Variants in IGSF21 observed in about 807,000 individuals in gnomAD.
IGSF21 encodes immunoglobulin superfamily member 21.
In IGSF21, 28 loss-of-function variants were observed where a neutral mutation model predicts 46.8. The observed-to-expected ratio is 0.60, with a 90% CI of 0.44 to 0.82. IGSF21 has a LOEUF of 0.82. IGSF21 is among the 40% of genes least tolerant of loss of function. IGSF21 has a pLI of 0.00. For synonymous variants in IGSF21, 284 were observed against 273.6 expected, an observed-to-expected ratio of 1.04 and a Z score of -0.38; for missense variants, 624 against 665.5, an observed-to-expected ratio of 0.94 and a Z score of 0.69.
At chr1:18,301,103 G>A (rs1400450494) in intron 3 of IGSF21, among the ~76,000 whole-genome samples, 1 of 152,178 alleles carries the variant, frequency 6.6e-6, no homozygotes, top group Non-Finnish European at 1.5e-5. Context: ...TTAACCTGTG[G>A]AGCACAGATC....
intron 1 of IGSF21, among the ~76,000 whole-genome samples, chr1:18,219,385 T>C (rs1270818003): frequency 2.0e-5 from 3 of 152,010 alleles, no homozygotes; most frequent in African/African-American, 4.8e-5. Flanking sequence ...GCAGCGTTCA[T>C]TGTGAGTAGA....
At chr1:18,272,035 G>A (rs2085047727) in intron 2 of IGSF21, among the ~76,000 whole-genome samples, 1 of 152,150 alleles carries the variant, frequency 6.6e-6, no homozygotes, top group Non-Finnish European at 1.5e-5. Flanking sequence ...AAGAAAAAGA[G>A]GTTTAATGGA....
chr1:18,313,050 T>C (rs1171519527), intron 3 of IGSF21, among the ~76,000 whole-genome samples: 2 of 152,176 alleles, frequency 1.3e-5, no homozygotes, highest in East Asian at 1.9e-4. Flanking sequence ...TACTCATCCC[T>C]GTACCCCCAC....
chr1:18,376,250 T>C (rs984241237), intron 6 of IGSF21, 60 bp from the exon 7 acceptor site: 1 of 1,169,924 alleles, frequency 8.5e-7, no homozygotes, highest in African/African-American at 1.5e-5. Flanking sequence ...AACTTTCTCT[T>C]CCATGTACCC....
At chr1:18,228,274 G>C (rs2084589980) in intron 2 of IGSF21, among the ~76,000 whole-genome samples, 2 of 152,162 alleles carry the variant, frequency 1.3e-5, no homozygotes, top group Admixed American at 6.5e-5. Context: ...ATTAGGCAAA[G>C]TAGAAGTTAC....
chr1:18,210,280 G>A (rs1034608939), intron 1 of IGSF21, among the ~76,000 whole-genome samples: 2 of 152,184 alleles, frequency 1.3e-5, no homozygotes, highest in Non-Finnish European at 2.9e-5. Context: ...TCTCCTTTGT[G>A]AGCCAGGACT....
At chr1:18,145,220 CCTCG>C (rs1557555976) in intron 1 of IGSF21, among the ~76,000 whole-genome samples, 1 of 151,480 alleles carries the variant, frequency 6.6e-6, no homozygotes, top group African/African-American at 2.4e-5. Flanking sequence ...AAAAAGTTAT[CCTCG>C]GAGTCATTTT....
At chr1:18,214,384 G>A (rs1251455015) in intron 1 of IGSF21, among the ~76,000 whole-genome samples, 2 of 152,178 alleles carry the variant, frequency 1.3e-5, no homozygotes, top group Non-Finnish European at 2.9e-5. Context: ...GGAATCTTGA[G>A]TGAGATGCTC....
chr1:18,157,602 G>A (rs1220357747), intron 1 of IGSF21, among the ~76,000 whole-genome samples: 2 of 152,160 alleles, frequency 1.3e-5, no homozygotes, highest in East Asian at 1.9e-4. Context: ...CTCCCAGCCC[G>A]GTCTGGTACA....
chr1:18,269,977 C>A (rs1163806290), intron 2 of IGSF21, among the ~76,000 whole-genome samples: 1 of 152,162 alleles, frequency 6.6e-6, no homozygotes. Flanking sequence ...CTGCCATGTG[C>A]CTTCTGGAGG....
At chr1:18,377,343 G>T in intron 8 of IGSF21, 50 bp from the exon 9 acceptor site, 1 of 1,546,396 alleles carries the variant, frequency 6.5e-7, no homozygotes. Context: ...CCTTCCCTGA[G>T]CTCTGAAGGC....
At chr1:18,205,545 A>T (rs2084310478) in intron 1 of IGSF21, among the ~76,000 whole-genome samples, 1 of 152,170 alleles carries the variant, frequency 6.6e-6, no homozygotes, top group African/African-American at 2.4e-5. Context: ...AGCATGACTC[A>T]AACAACCCAT....
chr1:18,366,411 G>A (rs35250542), intron 6 of IGSF21, among the ~76,000 whole-genome samples: 34,369 of 151,914 alleles, frequency 0.23, 4,599 homozygotes, highest in Non-Finnish European at 0.3. Flanking sequence ...GACATTTGTC[G>A]GATCAAGGAG....
At chr1:18,376,116 T>G (rs1283051088) in intron 6 of IGSF21, 194 bp from the exon 7 acceptor site, 2 of 583,166 alleles carry the variant, frequency 3.4e-6, no homozygotes, top group African/African-American at 3.7e-5. Context: ...GAGCATCTGA[T>G]TCATTGCATG....
At chr1:18,203,980 G>C (rs151276098) in intron 1 of IGSF21, among the ~76,000 whole-genome samples, 1 of 152,310 alleles carries the variant, frequency 6.6e-6, no homozygotes, top group East Asian at 1.9e-4. Flanking sequence ...ATCGCTTGCC[G>C]AGAGCTGTTC....
At chr1:18,306,597 G>A (rs1299424975) in intron 3 of IGSF21, among the ~76,000 whole-genome samples, 1 of 152,094 alleles carries the variant, frequency 6.6e-6, no homozygotes, top group Non-Finnish European at 1.5e-5. Context: ...ATGGCACCAG[G>A]CAGCCCCTCC....
At chr1:18,166,299 C>T (rs551993270) in intron 1 of IGSF21, among the ~76,000 whole-genome samples, 2 of 152,300 alleles carry the variant, frequency 1.3e-5, no homozygotes, top group East Asian at 1.9e-4. Flanking sequence ...ATCAGCTTTG[C>T]TCCAGAAAAC....
chr1:18,355,829 CTTTTTTTT>C (rs61589417), intron 4 of IGSF21, among the ~76,000 whole-genome samples: 3 of 88,966 alleles, frequency 3.4e-5, no homozygotes, highest in South Asian at 4.0e-4. Context: ...TGTCTAGACT[CTTTTTTTT>C]TTTTTTTTTT....
At position 18,290,845 on chromosome 1, in the gene IGSF21, C is replaced by A. The variant is rs2085258197; in HGVS notation, c.184-1021C>A. Among the ~76,000 whole-genome samples the A allele has an allele frequency of 6.6e-6, 1 of 151,894 alleles. No individual in the cohort carries two copies. Among genetic ancestry groups the A allele is most frequent in the Non-Finnish European group, 1.5e-5 (1 of 67,980 alleles). ...TAGCCAGCCCCCTCCCTGCCCCTTT[C>A]CCCGCTGCCTCCACCACACAGAGCC... On this transcript the variant is annotated intron_variant, in intron 2 of 9. Coordinates refer to ENST00000251296, the MANE Select transcript of IGSF21 (RefSeq NM_032880.5). The surrounding 1 kb of genome is among the most constrained non-coding windows in gnomAD (Gnocchi z 4.2).
Sources: gnomAD v4.1 joint callset for allele counts (sites outside exome capture counted in the v4.1 genomes callset) on GRCh38, gnomAD v4.1.1 for gene constraint, Gnocchi (gnomAD v3.1) non-coding constraint, MANE v1.5 for transcripts, NCBI Gene and HGNC (gene_info 2026-07-23, HGNC 2026-07-21) for gene names.